Variants in KCNIP3 observed in about 807,000 individuals in gnomAD.
KCNIP3 encodes potassium voltage-gated channel interacting protein 3, also known as calsenilin.
Under a neutral mutation model 35.0 loss-of-function variants are expected in KCNIP3, and 28 were observed. The observed-to-expected ratio is 0.80, with a 90% confidence interval of 0.59 to 1.10. The LOEUF is 1.10. Ranked by LOEUF, KCNIP3 falls within the 50% of genes least tolerant of loss-of-function variation. The pLI is 0.00. For synonymous variants in KCNIP3, 134 were observed against 133.8 expected, an observed-to-expected ratio of 1.00 and a Z score of -0.01; for missense variants, 295 against 338.4, an observed-to-expected ratio of 0.87 and a Z score of 1.01.
intron 2 of KCNIP3, among the ~76,000 whole-genome samples, chr2:95,319,739 C>T (rs559376936): frequency 3.3e-5 from 5 of 152,220 alleles, no homozygotes; most frequent in African/African-American, 4.8e-5. Flanking sequence ...GAGCTCCGGG[C>T]GCCTGTGTCA....
rs11895635 is a variant in KCNIP3, at chr2:95,310,366, G to A, written c.27G>A (p.Lys9=). 79 of 1,611,644 alleles carry A rather than the reference G, an allele frequency of 4.9e-5. No homozygotes were observed. The African/African-American group carries it at 9.6e-4, about 20-fold the overall frequency. Residue 9 remains lysine, a synonymous_variant, in exon 2 of 9, where the codon AAG becomes AAA. Coordinates refer to ENST00000295225, the MANE Select transcript of KCNIP3 (RefSeq NM_013434.5). The part of the protein sequence containing the change: MQPAKEVT[K]ASDGSLLGDL... ...TGTTCCTACTGCAGGAAGTGACAAA[G>A]GCGTCGGACGGCAGCCTCCTGGGGG... is the stretch of plus-strand genomic sequence containing the variant.
At chr2:95,372,773 G>A (rs1418651551) in intron 2 of KCNIP3, among the ~76,000 whole-genome samples, 7 of 152,202 alleles carry the variant, frequency 4.6e-5, no homozygotes, top group Non-Finnish European at 1.0e-4. Flanking sequence ...AGCAACCTGA[G>A]GGTAAGGATG....
At chr2:95,324,688 G>A (rs1229643378) in intron 2 of KCNIP3, among the ~76,000 whole-genome samples, 3 of 151,938 alleles carry the variant, frequency 2.0e-5, no homozygotes, top group African/African-American at 4.8e-5. Flanking sequence ...CAAGGTGGGC[G>A]AATCACAAGG....
intron 2 of KCNIP3, among the ~76,000 whole-genome samples, chr2:95,328,365 A>G (rs1678843657): frequency 6.6e-6 from 1 of 152,148 alleles, no homozygotes; most frequent in Admixed American, 6.5e-5. Context: ...TGCTCCACAC[A>G]CTGTCTGAGC....
At chr2:95,347,255 C>T (rs530928421) in intron 2 of KCNIP3, 2 of 739,490 alleles carry the variant, frequency 2.7e-6, no homozygotes, top group Non-Finnish European at 4.4e-6. Context: ...CTCCCGGCTC[C>T]GGAGGGTTGG....
intron 1 of KCNIP3, chr2:95,298,792 A>C (rs979194228): frequency 6.6e-6 from 1 of 152,292 alleles, no homozygotes; most frequent in African/African-American, 2.4e-5. Flanking sequence ...CCCAGCAACC[A>C]CCATGCAGGC....
chr2:95,345,789 C>T (rs553696999), intron 2 of KCNIP3, among the ~76,000 whole-genome samples: 4 of 152,378 alleles, frequency 2.6e-5, no homozygotes, highest in African/African-American at 7.2e-5. Flanking sequence ...GGCCACGCCT[C>T]GTCCTCCCCT....
At chr2:95,370,408 C>A (rs1279974314) in intron 2 of KCNIP3, among the ~76,000 whole-genome samples, 1 of 152,192 alleles carries the variant, frequency 6.6e-6, no homozygotes, top group Non-Finnish European at 1.5e-5. Flanking sequence ...TAAAGCATAG[C>A]TTTTCTGGGG....
At chr2:95,350,079 G>T (rs1039450471) in intron 2 of KCNIP3, among the ~76,000 whole-genome samples, 1 of 152,174 alleles carries the variant, frequency 6.6e-6, no homozygotes, top group Non-Finnish European at 1.5e-5. Context: ...CGGTTCTCAA[G>T]GGGATCTGCG....
chr2:95,320,290 C>G (rs925319493), intron 2 of KCNIP3, among the ~76,000 whole-genome samples: 1 of 152,198 alleles, frequency 6.6e-6, no homozygotes, highest in African/African-American at 2.4e-5. Context: ...AAATTTTCTG[C>G]AGATCCTGTG....
chr2:95,305,906 G>A (rs1301719363), intron 1 of KCNIP3, among the ~76,000 whole-genome samples: 2 of 152,198 alleles, frequency 1.3e-5, no homozygotes, highest in Non-Finnish European at 2.9e-5. Flanking sequence ...GAAGGGCATT[G>A]GGTTGCTTCC....
intron 2 of KCNIP3, among the ~76,000 whole-genome samples, chr2:95,349,452 A>G (rs1186569292): frequency 6.6e-6 from 1 of 152,228 alleles, no homozygotes; most frequent in Non-Finnish European, 1.5e-5. Context: ...GCAGCCTTCT[A>G]GAAATACATG....
intron 1 of KCNIP3, among the ~76,000 whole-genome samples, chr2:95,300,010 A>C (rs1204255503): frequency 1.3e-5 from 2 of 152,236 alleles, no homozygotes; most frequent in East Asian, 3.9e-4. Flanking sequence ...TGCAGGCTAC[A>C]AGAGTTGTGG....
chr2:95,336,188 TCTTA>T (rs1339370288), intron 2 of KCNIP3, among the ~76,000 whole-genome samples: 5 of 152,240 alleles, frequency 3.3e-5, no homozygotes, highest in African/African-American at 1.2e-4. Context: ...TCTCACTTTA[TCTTA>T]CTTCATGTCC....
intron 2 of KCNIP3, among the ~76,000 whole-genome samples, chr2:95,337,009 C>T (rs1312923497): frequency 6.6e-6 from 1 of 152,116 alleles, no homozygotes; most frequent in African/African-American, 2.4e-5. Flanking sequence ...AGCAATTAGC[C>T]AAGGCCCCAA....
chr2:95,305,610 C>T (rs1450362885), intron 1 of KCNIP3, among the ~76,000 whole-genome samples: 2 of 152,318 alleles, frequency 1.3e-5, no homozygotes, highest in African/African-American at 4.8e-5. Context: ...CCCCTCAAGG[C>T]CCCTCCTGCC....
chr2:95,380,159 CT>C (rs1293933353), intron 5 of KCNIP3, among the ~76,000 whole-genome samples: 1 of 152,206 alleles, frequency 6.6e-6, no homozygotes, highest in East Asian at 1.9e-4. Context: ...CCCAACCTTT[CT>C]TTTTAAGTCT....
chr2:95,302,588 C>CT (rs939569329), intron 1 of KCNIP3, among the ~76,000 whole-genome samples: 11 of 152,362 alleles, frequency 7.2e-5, no homozygotes, highest in South Asian at 6.2e-4. Flanking sequence ...AACACTGACT[C>CT]TCCCCCACTG....
chr2:95,314,499 C>G (rs1199302425), intron 2 of KCNIP3, among the ~76,000 whole-genome samples: 1 of 152,152 alleles, frequency 6.6e-6, no homozygotes, highest in African/African-American at 2.4e-5. Flanking sequence ...CCTGGGTGGT[C>G]CTGCCTCATT....
Sources: gnomAD v4.1 joint callset for allele counts (sites outside exome capture counted in the v4.1 genomes callset) on GRCh38, gnomAD v4.1.1 for gene constraint, MANE v1.5 for transcripts, NCBI Gene and HGNC (gene_info 2026-07-23, HGNC 2026-07-21) for gene names.